Variants in TRABD2A observed in about 807,000 individuals in gnomAD.
TRABD2A encodes metalloprotease TIKI1.
In TRABD2A, 43 loss-of-function variants were observed where a neutral mutation model predicts 45.6. The observed-to-expected ratio is 0.94, with a 90% CI of 0.74 to 1.22. The LOEUF (loss-of-function observed/expected upper bound fraction) is 1.22, where lower values mean the gene tolerates loss of function less well. Among genes scored for constraint, TRABD2A ranks in the 50% most tolerant of loss-of-function variants. TRABD2A has a pLI of 0.00. For synonymous variants in TRABD2A, 269 were observed against 265.0 expected (o/e 1.02, Z -0.15); for missense variants, 642 against 652.4 (o/e 0.98, Z 0.17).
intron 1 of TRABD2A, among the ~76,000 whole-genome samples, chr2:84,871,346 A>T (rs1682866876): frequency 6.6e-6 from 1 of 152,126 alleles, no homozygotes; most frequent in Non-Finnish European, 1.5e-5. Context: ...CAGATCTCAA[A>T]ACCAACATCC....
At chr2:84,832,594 G>A (rs1681374901) in intron 4 of TRABD2A, 1 of 158,956 alleles carries the variant, frequency 6.3e-6, no homozygotes, top group South Asian at 1.8e-4. Flanking sequence ...GAAGTCAGGA[G>A]TTCAAGACCC....
At chr2:84,838,164 C>T (rs901202703) in intron 4 of TRABD2A, 2 of 713,108 alleles carry the variant, frequency 2.8e-6, no homozygotes, top group Non-Finnish European at 5.2e-6. Flanking sequence ...CCATTCTGTC[C>T]CCTCCAGTAA....
intron 5 of TRABD2A, 96 bp from the exon 6 acceptor site, chr2:84,824,300 C>T (rs1573913339): frequency 1.3e-6 from 2 of 1,503,454 alleles, no homozygotes. Flanking sequence ...AAGACAAAGG[C>T]AGATAACCTG....
chr2:84,879,176 T>C (rs1683122606), intron 1 of TRABD2A, among the ~76,000 whole-genome samples: 1 of 147,838 alleles, frequency 6.8e-6, no homozygotes, highest in African/African-American at 2.6e-5. Context: ...TTTGAGGTTT[T>C]CAATACTTTT....
chr2:84,872,046 A>G (rs536905498), intron 1 of TRABD2A, among the ~76,000 whole-genome samples: 1 of 152,280 alleles, frequency 6.6e-6, no homozygotes, highest in South Asian at 2.1e-4. Flanking sequence ...CTGGCCCCTG[A>G]GTGTCTCTCA....
chr2:84,863,599 T>TTC (rs1682576086), intron 2 of TRABD2A, among the ~76,000 whole-genome samples: 1 of 74,272 alleles, frequency 1.3e-5, no homozygotes, highest in African/African-American at 7.4e-5. Flanking sequence ...CAAATTTTCT[T>TTC]TTTTTTTTTT....
chr2:84,865,235 A>AG (rs1364023874), intron 2 of TRABD2A, among the ~76,000 whole-genome samples: 1 of 152,124 alleles, frequency 6.6e-6, no homozygotes, highest in African/African-American at 2.4e-5. Context: ...GGGAAAAAAA[A>AG]AGAGAAAGTG....
chr2:84,855,644 G>A (rs941259098), intron 2 of TRABD2A, among the ~76,000 whole-genome samples: 6 of 150,220 alleles, frequency 4.0e-5, no homozygotes, highest in Non-Finnish European at 7.4e-5. Flanking sequence ...TAGCCCCCAC[G>A]TCCCCCTTTC....
chr2:84,861,745 A>C (rs1682507161), intron 2 of TRABD2A, among the ~76,000 whole-genome samples: 1 of 152,224 alleles, frequency 6.6e-6, no homozygotes, highest in South Asian at 2.1e-4. Flanking sequence ...AGGCAGCAGC[A>C]ACCTACCTGC....
intron 2 of TRABD2A, chr2:84,843,951 C>G (rs1194222086): frequency 6.6e-6 from 1 of 152,228 alleles, no homozygotes; most frequent in African/African-American, 2.4e-5. Context: ...GGAGACAGAT[C>G]TCTCTGTAAA....
intron 5 of TRABD2A, among the ~76,000 whole-genome samples, chr2:84,826,970 C>T (rs547064294): frequency 2.0e-5 from 3 of 152,186 alleles, no homozygotes; most frequent in Admixed American, 6.5e-5. Flanking sequence ...CAGACAAATG[C>T]TCACATGGGC....
At chr2:84,844,487 C>A (rs1426291311) in intron 2 of TRABD2A, among the ~76,000 whole-genome samples, 1 of 152,204 alleles carries the variant, frequency 6.6e-6, no homozygotes, top group African/African-American at 2.4e-5. Flanking sequence ...TTGGGTATGT[C>A]TTCATTAGCA....
At chr2:84,844,523 G>T (rs1485048647) in intron 2 of TRABD2A, among the ~76,000 whole-genome samples, 1 of 152,152 alleles carries the variant, frequency 6.6e-6, no homozygotes, top group Non-Finnish European at 1.5e-5. Context: ...GGTACATGTG[G>T]GATCACAGCC....
chr2:84,881,070 G>A lies in TRABD2A; in HGVS notation c.-31C>T, dbSNP rs1218511110. The stretch of plus-strand genomic sequence containing the variant: ...TCAAGGCGGCTCCGAGGCCCGGAAC[G>A]CGGAGGGAAGGAGTAGGGCAGAGGT... On this transcript the variant is annotated 5_prime_UTR_variant, in exon 1 of 7. Coordinates refer to ENST00000409520, the MANE Select transcript of TRABD2A (RefSeq NM_001277053.2). 3.2e-6 allele frequency: 5 copies of A among 1,555,846 alleles called. No individual in the cohort carries two copies. The Admixed American group carries it at 7.7e-5, about 24-fold the overall frequency.
At chr2:84,839,898 T>G (rs1681650255) in intron 3 of TRABD2A, among the ~76,000 whole-genome samples, 1 of 152,228 alleles carries the variant, frequency 6.6e-6, no homozygotes, top group Non-Finnish European at 1.5e-5. Context: ...GTATTTTGGC[T>G]AATAACAGGA....
chr2:84,831,968 T>G (rs1681353237), intron 5 of TRABD2A, 87 bp downstream of exon 5: 1 of 1,319,118 alleles, frequency 7.6e-7, no homozygotes, highest in African/African-American at 1.4e-5. Context: ...TCTCTGGAGC[T>G]CCTCAAGATA....
chr2:84,850,088 C>T (rs1573935236), intron 2 of TRABD2A, among the ~76,000 whole-genome samples: 1 of 152,198 alleles, frequency 6.6e-6, no homozygotes, highest in Non-Finnish European at 1.5e-5. Flanking sequence ...AAGCTACTAA[C>T]ACTGATGTAC....
In TRABD2A at chr2:84,880,670, G is replaced by T. The variant is rs558993951; in HGVS notation, c.108+262C>A. Among the ~76,000 whole-genome samples the T allele has an allele frequency of 6.6e-5, 10 of 152,370 alleles. No homozygotes were observed. The South Asian group carries it at 2.1e-3, about 32-fold the overall frequency. On this transcript the variant is annotated intron_variant, in intron 1 of 6. Transcript: ENST00000409520. The stretch of plus-strand genomic sequence containing the variant: ...GAAAATGGCTGGCGAGACCCCAGAG[G>T]CTCTCTCGGACGCCCTTGGGCTGGC...
At chr2:84,855,412 T>C (rs145703689) in intron 2 of TRABD2A, among the ~76,000 whole-genome samples, 72 of 152,266 alleles carry the variant, frequency 4.7e-4, no homozygotes, top group African/African-American at 1.5e-3. Context: ...TTCACATTAG[T>C]GCTTGCCGAA....
Sources: gnomAD v4.1 joint callset for allele counts (sites outside exome capture counted in the v4.1 genomes callset) on GRCh38, gnomAD v4.1.1 for gene constraint, MANE v1.5 for transcripts, NCBI Gene and HGNC (gene_info 2026-07-23, HGNC 2026-07-21) for gene names.